OR7E24: variants seen among roughly 807,000 people sequenced by gnomAD.
OR7E24 encodes olfactory receptor family 7 subfamily E member 24.
For synonymous variants in OR7E24, 130 were observed against 157.5 expected (o/e 0.83, Z 1.31); for missense variants, 385 against 410.3 (o/e 0.94, Z 0.53).
At chr19:9,212,877 C>G in the OR7E24 span, 39 of 152,290 alleles carry the variant, frequency 2.6e-4, 2 homozygotes, top group African/African-American at 8.9e-4. Context: ...CTCAGCCCTC[C>G]AAGTAGCTGG....
chr19:9,245,909 A>C (rs1037446825), upstream of OR7E24, among the ~76,000 whole-genome samples: 2 of 152,108 alleles, frequency 1.3e-5, no homozygotes, highest in Non-Finnish European at 1.5e-5. Flanking sequence ...AAGCTTCAGG[A>C]GACCTCTCCT....
At chr19:9,248,673 G>T (rs140973383), upstream of OR7E24, among the ~76,000 whole-genome samples, 3 of 152,198 alleles carry the variant, frequency 2.0e-5, no homozygotes, top group Non-Finnish European at 2.9e-5. Flanking sequence ...CACTCAGGGC[G>T]CATCTCTCCC....
At chr19:9,247,505 G>A (rs1028456822), upstream of OR7E24, 6 of 398,634 alleles carry the variant, frequency 1.5e-5, no homozygotes, top group Non-Finnish European at 2.2e-5. Context: ...CAGCAGAGGG[G>A]AAGCGCAGCT....
At chr19:9,225,498 A>T in the OR7E24 span, among the ~76,000 whole-genome samples, 1 of 151,640 alleles carries the variant, frequency 6.6e-6, no homozygotes, top group African/African-American at 2.4e-5. Context: ...AGGAAGGAAT[A>T]AAAAAACAAC....
At chr19:9,236,540 G>A in the OR7E24 span, among the ~76,000 whole-genome samples, 1 of 151,586 alleles carries the variant, frequency 6.6e-6, no homozygotes, top group African/African-American at 2.4e-5. Context: ...TTTTGTATTA[G>A]GTTGGTGCAA....
chr19:9,220,870 C>G, the OR7E24 span, among the ~76,000 whole-genome samples: 3 of 152,278 alleles, frequency 2.0e-5, no homozygotes, highest in African/African-American at 7.2e-5. Context: ...CTGGCCAGCA[C>G]TTACTATCTT....
Position 9,251,548 on chromosome 19 carries a change from A to G in OR7E24, c.505A>G (p.Ile169Val). 6.2e-7 allele frequency: 1 copy of G among 1,613,870 alleles called. No individual in the cohort carries two copies. Among genetic ancestry groups the G allele is most frequent in the East Asian group, 2.2e-5 (1 of 44,880 alleles). Residue 169 changes from isoleucine (I) to valine (V), a missense_variant, in exon 1 of 1, where the codon ATT becomes GTT. Physicochemically the swap from Ile to Val is conservative, Grantham distance 29. Coordinates refer to ENST00000456448, the MANE Select transcript of OR7E24 (RefSeq NM_001079935.2). ...CGFLILLSFF[I>V]SLLDSQLHNL... ...CTTCTTAATCTTGTTGTCTTTTTTT[A>G]TTAGTCTTTTGGACTCCCAGTTGCA...
chr19:9,225,224 G>T, the OR7E24 span, among the ~76,000 whole-genome samples: 1 of 152,040 alleles, frequency 6.6e-6, no homozygotes, highest in East Asian at 1.9e-4. Flanking sequence ...AAAAAAATTA[G>T]CCAGATGTGA....
chr19:9,222,079 T>C, the OR7E24 span, among the ~76,000 whole-genome samples: 1 of 152,256 alleles, frequency 6.6e-6, no homozygotes, highest in Non-Finnish European at 1.5e-5. Context: ...GAGACTGTCC[T>C]TTCCCCCTTG....
At chr19:9,219,138 G>T in the OR7E24 span, 169 of 152,112 alleles carry the variant, frequency 1.1e-3, no homozygotes, top group African/African-American at 3.8e-3. Flanking sequence ...CCAATAATCT[G>T]CCAGGAAAAA....
At chr19:9,220,539 G>T in the OR7E24 span, among the ~76,000 whole-genome samples, 1 of 152,132 alleles carries the variant, frequency 6.6e-6, no homozygotes, top group African/African-American at 2.4e-5. Context: ...CAAATGACAG[G>T]ATTTCCTTGT....
At chr19:9,210,600 A>G in the OR7E24 span, 1 of 152,188 alleles carries the variant, frequency 6.6e-6, no homozygotes, top group African/African-American at 2.4e-5. Context: ...CAAAAACTCC[A>G]TAACTTCCAT....
At chr19:9,225,584 G>GGCA in the OR7E24 span, among the ~76,000 whole-genome samples, 4 of 152,256 alleles carry the variant, frequency 2.6e-5, no homozygotes, top group Admixed American at 2.6e-4. Context: ...TGAGATGACA[G>GGCA]GCAGCAGCAG....
the OR7E24 span, chr19:9,209,286 C>T: frequency 3.3e-5 from 5 of 152,172 alleles, no homozygotes; most frequent in African/African-American, 1.2e-4. Context: ...TTCTGAACCC[C>T]ATGTTCCTCA....
At chr19:9,239,254 C>G in the OR7E24 span, among the ~76,000 whole-genome samples, 4 of 151,892 alleles carry the variant, frequency 2.6e-5, no homozygotes, top group Non-Finnish European at 5.9e-5. Context: ...ACTGCAAGCT[C>G]CCCCTCCTTG....
At position 9,251,487 on chromosome 19, in the gene OR7E24, G is replaced by A. The variant is rs1364379691; in HGVS notation, c.444G>A (p.Leu148=). The stretch of plus-strand genomic sequence containing the variant: ...GGTTTGTGGCCATCTGTCACCCCCT[G>A]CACTACCGAATCATCATGAACCCAC... ...YDRFVAICHP[L]HYRIIMNPRL... is the part of the protein sequence containing the mutation. The change falls in exon 1 of 1, where the codon CTG becomes CTA. Residue 148 remains leucine (L), a synonymous_variant. Coordinates refer to ENST00000456448, the MANE Select transcript of OR7E24 (RefSeq NM_001079935.2). 1 of 1,613,940 alleles carries A rather than the reference G, an allele frequency of 6.2e-7. No individual in the cohort carries two copies. Among genetic ancestry groups the A allele is most frequent in the African/African-American group, 1.3e-5 (1 of 74,862 alleles).
the OR7E24 span, among the ~76,000 whole-genome samples, chr19:9,222,671 GTC>G: frequency 1.3e-5 from 2 of 152,140 alleles, no homozygotes; most frequent in South Asian, 2.1e-4. Flanking sequence ...ACTTTACTGA[GTC>G]TTTTTTGTTA....
upstream of OR7E24, among the ~76,000 whole-genome samples, chr19:9,250,653 A>G (rs2066142596): frequency 6.6e-6 from 1 of 152,224 alleles, no homozygotes; most frequent in African/African-American, 2.4e-5. Context: ...TCCTCAATCA[A>G]TGGAATTTGT....
At chr19:9,246,696 A>G (rs1034856171), upstream of OR7E24, among the ~76,000 whole-genome samples, 1 of 152,358 alleles carries the variant, frequency 6.6e-6, no homozygotes, top group African/African-American at 2.4e-5. Flanking sequence ...CTTCTGACAC[A>G]TGATACAACA....
Sources: gnomAD v4.1 joint callset for allele counts (sites outside exome capture counted in the v4.1 genomes callset) on GRCh38, gnomAD v4.1.1 for gene constraint, MANE v1.5 for transcripts, NCBI Gene and HGNC (gene_info 2026-07-23, HGNC 2026-07-21) for gene names.